The following RALGAPA1 variants were observed in gnomAD, a reference collection of about 807,000 sequenced individuals.
RALGAPA1 encodes ral GTPase-activating protein subunit alpha-1.
Under a neutral mutation model 269.6 loss-of-function variants are expected in RALGAPA1, and 52 were observed. That is an observed-to-expected ratio of 0.19 (90% confidence interval 0.15 to 0.24). The LOEUF (loss-of-function observed/expected upper bound fraction) is 0.24. Among genes scored for constraint, RALGAPA1 ranks in the 10% least tolerant of loss-of-function variants. The probability of loss-of-function intolerance (pLI) is 1.00; values close to 1 mark genes in which losing one functional copy is unlikely to be tolerated. For synonymous variants in RALGAPA1, 817 were observed against 1,008.3 expected (o/e 0.81, Z 3.60); for missense variants, 1,917 against 3,013.9 (o/e 0.64, Z 8.52).
intron 35 of RALGAPA1, among the ~76,000 whole-genome samples, chr14:35,624,156 C>CAAAAAAAAA (rs377171729): frequency 4.6e-5 from 1 of 21,836 alleles, no homozygotes. Flanking sequence ...TAATACAACG[C>CAAAAAAAAA]AAAAAAAAAA....
intron 14 of RALGAPA1, among the ~76,000 whole-genome samples, chr14:35,724,673 A>T (rs2069727249): frequency 6.6e-6 from 1 of 152,210 alleles, no homozygotes; most frequent in African/African-American, 2.4e-5. Context: ...GAAACTCATA[A>T]AGCAGTCAGG....
At chr14:35,677,861 T>C (rs769936804) in intron 22 of RALGAPA1, 89 bp downstream of exon 22, 16 of 1,214,798 alleles carry the variant, frequency 1.3e-5, no homozygotes, top group East Asian at 4.9e-5. Context: ...AATAATCATA[T>C]ATAATCAAAT....
chr14:35,803,411 T>C (rs2077117000), intron 1 of RALGAPA1, among the ~76,000 whole-genome samples: 1 of 152,116 alleles, frequency 6.6e-6, no homozygotes, highest in African/African-American at 2.4e-5. Context: ...AGAAAATCTT[T>C]GTGATCATGG....
At chr14:35,797,351 C>CTAAAAAAAAAAA (rs2076644162) in intron 1 of RALGAPA1, among the ~76,000 whole-genome samples, 1 of 60,134 alleles carries the variant, frequency 1.7e-5, no homozygotes, top group African/African-American at 7.7e-5. Flanking sequence ...GACTCCGTCT[C>CTAAAAAAAAAAA]AAAAAAAAAA....
intron 3 of RALGAPA1, among the ~76,000 whole-genome samples, chr14:35,773,144 T>C (rs919182109): frequency 7.2e-5 from 11 of 152,212 alleles, no homozygotes; most frequent in African/African-American, 2.7e-4. Flanking sequence ...TAATTATACT[T>C]TAGATTTAGC....
intron 16 of RALGAPA1, 104 bp from the exon 17 acceptor site, chr14:35,700,406 A>G: frequency 2.3e-6 from 2 of 863,200 alleles, no homozygotes; most frequent in Non-Finnish European, 3.2e-6. Flanking sequence ...ACTAAAAGGT[A>G]CAAAGGAAGG....
chr14:35,764,890 T>G (rs2074021504), intron 4 of RALGAPA1, among the ~76,000 whole-genome samples: 1 of 152,296 alleles, frequency 6.6e-6, no homozygotes, highest in East Asian at 1.9e-4. Flanking sequence ...TTTTTCTTTC[T>G]TATGTGTTCT....
At chr14:35,785,944 G>A (rs962558389) in intron 1 of RALGAPA1, among the ~76,000 whole-genome samples, 2 of 152,166 alleles carry the variant, frequency 1.3e-5, no homozygotes, top group African/African-American at 2.4e-5. Context: ...GGGAGGCTGA[G>A]GTGGGTGGAT....
At chr14:35,669,404 G>A (rs955478163) in intron 26 of RALGAPA1, among the ~76,000 whole-genome samples, 25 of 152,124 alleles carry the variant, frequency 1.6e-4, no homozygotes, top group African/African-American at 6.0e-4. Flanking sequence ...ACAGGCATGT[G>A]CCACCAGGCC....
At chr14:35,797,876 TTTTTTC>T (rs2076694571) in intron 1 of RALGAPA1, among the ~76,000 whole-genome samples, 1 of 150,122 alleles carries the variant, frequency 6.7e-6, no homozygotes, top group African/African-American at 2.5e-5. Context: ...AAGAGACTTT[TTTTTTC>T]TTTTTTTGGA....
intron 39 of RALGAPA1, among the ~76,000 whole-genome samples, chr14:35,569,477 T>C (rs2056990381): frequency 6.6e-6 from 1 of 152,210 alleles, no homozygotes; most frequent in Non-Finnish European, 1.5e-5. Flanking sequence ...TAGATATTAT[T>C]ATCATTCTCA....
At chr14:35,734,681 A>C (rs968686685) in intron 12 of RALGAPA1, among the ~76,000 whole-genome samples, 2 of 152,186 alleles carry the variant, frequency 1.3e-5, no homozygotes, top group Non-Finnish European at 2.9e-5. Context: ...AAGCAGTATA[A>C]AAACAAAGAT....
At chr14:35,670,330 T>G (rs1366278657) in intron 26 of RALGAPA1, among the ~76,000 whole-genome samples, 1 of 152,200 alleles carries the variant, frequency 6.6e-6, no homozygotes, top group African/African-American at 2.4e-5. Flanking sequence ...CAAGTATGTT[T>G]TTCTCACAAA....
chr14:35,562,885 G>A (rs1382936512), intron 39 of RALGAPA1, among the ~76,000 whole-genome samples: 3 of 151,734 alleles, frequency 2.0e-5, no homozygotes, highest in Non-Finnish European at 2.9e-5. Context: ...GCTGGGCGTG[G>A]TGGCATGCAC....
intron 33 of RALGAPA1, among the ~76,000 whole-genome samples, chr14:35,634,321 T>G (rs2061537564): frequency 6.6e-6 from 1 of 152,182 alleles, no homozygotes; most frequent in African/African-American, 2.4e-5. Flanking sequence ...TCCAAAATCT[T>G]TAACACTTCT....
At position 35,738,645 on chromosome 14, in the gene RALGAPA1, AT is replaced by A; in HGVS notation, c.1454del (p.Asn485MetfsTer49). The stretch of plus-strand genomic sequence containing the variant: ...GAACATGATCAGCAGTATTGGTCCC[AT>A]TTTCCTGAAGCAAAATATCAAGTTT... ...MEEGEKREEE[N>X]GTNTADHVRN... On this transcript the variant is annotated frameshift_variant, in exon 12 of 42. Coordinates refer to ENST00000680220, the MANE Select transcript of RALGAPA1 (RefSeq NM_001346249.2). LOFTEE classifies it high-confidence loss of function. 6.2e-7 allele frequency: 1 copy of A among 1,602,646 alleles called. No homozygotes were observed. The highest frequency in any genetic ancestry group is 8.5e-7 in the Non-Finnish European group (1 of 1,176,792).
intron 33 of RALGAPA1, among the ~76,000 whole-genome samples, chr14:35,628,784 A>G (rs2061145353): frequency 1.3e-5 from 2 of 152,358 alleles, no homozygotes; most frequent in African/African-American, 4.8e-5. Flanking sequence ...CTTCAGGTCA[A>G]TGTGGTACAG....
rs1555409652 is a variant in RALGAPA1, at chr14:35,702,715, TAA to T, written c.2267-2415_2267-2414del. On this transcript the variant is annotated intron_variant, in intron 16 of 41. Transcript: ENST00000680220. ...ATCTATAGTTGTAATCACCTTTAAT[TAA>T]AAAAAAAAAATATATATATATATAC... is the stretch of plus-strand genomic sequence containing the variant. Among the ~76,000 whole-genome samples, 286 of 114,086 alleles carry T rather than the reference TAA, an allele frequency of 2.5e-3. 9 individuals carry two copies. In the East Asian group the frequency reaches 0.041, roughly 16 times the overall value. 74.8% of individuals were successfully genotyped at this position (114,086 alleles called of 152,430 possible).
intron 1 of RALGAPA1, among the ~76,000 whole-genome samples, chr14:35,799,156 A>G (rs1489141360): frequency 1.3e-5 from 2 of 152,222 alleles, no homozygotes; most frequent in Non-Finnish European, 2.9e-5. Flanking sequence ...ATATATGACA[A>G]CAAAAGCATA....
Sources: gnomAD v4.1 joint callset for allele counts (sites outside exome capture counted in the v4.1 genomes callset) on GRCh38, gnomAD v4.1.1 for gene constraint, MANE v1.5 for transcripts, NCBI Gene and HGNC (gene_info 2026-07-23, HGNC 2026-07-21) for gene names.